The following WNT7A variants were observed in gnomAD, a reference collection of about 807,000 sequenced individuals.
WNT7A encodes protein Wnt-7a.
In WNT7A, 16 loss-of-function variants were observed where a neutral mutation model predicts 28.2. That is an observed-to-expected ratio of 0.57 (90% CI 0.38 to 0.86). The LOEUF is 0.86. WNT7A is among the 40% of genes least tolerant of loss of function. The pLI is 0.00. For synonymous variants in WNT7A, 190 were observed against 195.9 expected (o/e 0.97, Z 0.25); for missense variants, 411 against 489.7 (o/e 0.84, Z 1.52).
In WNT7A at chr3:13,837,210, G is replaced by A. The variant is rs73019603; in HGVS notation, c.570+17322C>T. Among the ~76,000 whole-genome samples the A allele has an allele frequency of 8.8e-3, 1,344 of 152,198 alleles. 14 individuals carry two copies. The highest frequency in any genetic ancestry group is 0.015 in the Non-Finnish European group (1,001 of 67,996). On this transcript the variant is annotated intron_variant, in intron 3 of 3. Transcript: ENST00000285018. Reference sequence around the variant, plus strand: ...ACACTTAAAATGTCAGGTATTCCAGGACGACACCAAGCCCATTCCTGCCCC... The same window carrying A: ...ACACTTAAAATGTCAGGTATTCCAGAACGACACCAAGCCCATTCCTGCCCC...
chr3:13,831,014 G>C (rs1219346226), intron 3 of WNT7A, among the ~76,000 whole-genome samples: 1 of 152,182 alleles, frequency 6.6e-6, no homozygotes, highest in African/African-American at 2.4e-5. Context: ...AGTTCCAGGG[G>C]AAGGAGGCGC....
At chr3:13,830,093 T>A (rs1025952535) in intron 3 of WNT7A, among the ~76,000 whole-genome samples, 2 of 152,058 alleles carry the variant, frequency 1.3e-5, no homozygotes, top group Non-Finnish European at 2.9e-5. Context: ...CCCCGCAGCG[T>A]CTTCTCCCAT....
At chr3:13,823,100 C>T (rs1362519185) in intron 3 of WNT7A, among the ~76,000 whole-genome samples, 2 of 152,226 alleles carry the variant, frequency 1.3e-5, no homozygotes, top group Non-Finnish European at 2.9e-5. Context: ...TCACAGCTGC[C>T]TGGCCAGGGC....
At chr3:13,870,012 C>T (rs1695006720) in intron 2 of WNT7A, among the ~76,000 whole-genome samples, 1 of 152,118 alleles carries the variant, frequency 6.6e-6, no homozygotes, top group Non-Finnish European at 1.5e-5. Context: ...TGATAAATTT[C>T]TCCCCACCCT....
chr3:13,845,516 G>A lies in WNT7A; in HGVS notation c.570+9016C>T, dbSNP rs1490969856. ...AAGCAGTTTAAATTCTTTTAATCAT[G>A]TAATCTTCATAATACTCTATAGCGC... On this transcript the variant is annotated intron_variant, in intron 3 of 3. Transcript: ENST00000285018. 2.0e-5 allele frequency among the ~76,000 whole-genome samples: 3 copies of A among 152,336 alleles called. No individual in the cohort carries two copies. The East Asian group carries it at 5.8e-4, about 29-fold the overall frequency.
Position 13,816,951 on chromosome 3 carries a change from GA to G in WNT7A, c.*1992del. On this transcript the variant is annotated 3_prime_UTR_variant, in exon 4 of 4. Coordinates refer to ENST00000285018, the MANE Select transcript of WNT7A (RefSeq NM_004625.4). Reference sequence around the variant, plus strand: ...CAGACACCCAAGTAAAAGAAAAATGGAAAAAAATGTCCAAGGGAAGAAACCA... The same window carrying G: ...CAGACACCCAAGTAAAAGAAAAATGGAAAAAATGTCCAAGGGAAGAAACCA... 1 of 152,102 alleles carries G rather than the reference GA, an allele frequency of 6.6e-6. No individual in the cohort carries two copies. Among genetic ancestry groups the G allele is most frequent in the Non-Finnish European group, 1.5e-5 (1 of 68,000 alleles). 9.4% of individuals were successfully genotyped at this position (152,102 alleles called of 1,614,324 possible). A position where few individuals can be genotyped will look rare whatever the true frequency, so the allele number is the denominator to read the frequency against.
At chr3:13,841,077 A>G (rs1694449345) in intron 3 of WNT7A, among the ~76,000 whole-genome samples, 1 of 152,258 alleles carries the variant, frequency 6.6e-6, no homozygotes, top group Non-Finnish European at 1.5e-5. Context: ...GCTGGCATAT[A>G]GGGATTCGGC....
chr3:13,819,213 G>C lies in WNT7A; in HGVS notation c.781C>G (p.Arg261Gly). The C allele has an allele frequency of 6.2e-7, 1 of 1,614,230 alleles. No homozygotes were observed. Among genetic ancestry groups the C allele is most frequent in the Non-Finnish European group, 8.5e-7 (1 of 1,180,038 alleles). Residue 261 changes from arginine (R) to glycine (G), a missense_variant, in exon 4 of 4, where the codon CGC (arginine) becomes GGC (glycine). Physicochemically the swap from Arg to Gly is moderately radical, Grantham distance 125. Coordinates refer to ENST00000285018, the MANE Select transcript of WNT7A (RefSeq NM_004625.4). ...FLKIKKPLSY[R>G]KPMDTDLVYI... The stretch of plus-strand genomic sequence containing the variant: ...ACCAGGTCCGTGTCCATGGGCTTGC[G>C]GTACGACAGTGGCTTCTTGATCTTC...
At chr3:13,829,279 AC>A (rs1337944692) in intron 3 of WNT7A, among the ~76,000 whole-genome samples, 1 of 152,238 alleles carries the variant, frequency 6.6e-6, no homozygotes, top group Non-Finnish European at 1.5e-5. Flanking sequence ...CAGGAAAAAA[AC>A]AAACTCCTAT....
intron 2 of WNT7A, among the ~76,000 whole-genome samples, chr3:13,855,840 AC>A (rs1348933085): frequency 6.6e-6 from 1 of 152,016 alleles, no homozygotes; most frequent in Non-Finnish European, 1.5e-5. Context: ...AGGCCCTGGA[AC>A]CCAGAGCAGG....
chr3:13,840,020 A>G (rs1694431167), intron 3 of WNT7A, among the ~76,000 whole-genome samples: 1 of 152,118 alleles, frequency 6.6e-6, no homozygotes. Flanking sequence ...CCCTTCTCTC[A>G]CAGGGAAGCA....
At chr3:13,877,618 G>A (rs1311787227) in intron 1 of WNT7A, among the ~76,000 whole-genome samples, 1 of 152,168 alleles carries the variant, frequency 6.6e-6, no homozygotes, top group Non-Finnish European at 1.5e-5. Flanking sequence ...CTTATTAGTT[G>A]TGCGATCTTA....
chr3:13,849,585 T>C (rs1694595848), intron 3 of WNT7A, among the ~76,000 whole-genome samples: 1 of 152,092 alleles, frequency 6.6e-6, no homozygotes, highest in Non-Finnish European at 1.5e-5. Context: ...TACCCTGTGG[T>C]GCTGACCCTG....
Position 13,816,943 on chromosome 3 carries a change from G to C in WNT7A, c.*2001C>G, listed in dbSNP as rs1466245184. ...CACTCCTCCAGACACCCAAGTAAAA[G>C]AAAAATGGAAAAAAATGTCCAAGGG... On this transcript the variant is annotated 3_prime_UTR_variant, in exon 4 of 4. Transcript: ENST00000285018. 1 of 151,424 alleles carries C rather than the reference G, an allele frequency of 6.6e-6. No homozygotes were observed. Among genetic ancestry groups the C allele is most frequent in the Non-Finnish European group, 1.5e-5 (1 of 67,990 alleles). 9.4% of individuals were successfully genotyped at this position (151,424 alleles called of 1,614,324 possible).
At chr3:13,829,677 G>T (rs1296398045) in intron 3 of WNT7A, among the ~76,000 whole-genome samples, 1 of 152,174 alleles carries the variant, frequency 6.6e-6, no homozygotes, top group African/African-American at 2.4e-5. Context: ...GCAACACAGG[G>T]GGATCTCGGA....
intron 3 of WNT7A, among the ~76,000 whole-genome samples, chr3:13,847,149 G>A (rs1012167133): frequency 6.6e-6 from 1 of 152,192 alleles, no homozygotes; most frequent in Admixed American, 6.5e-5. Context: ...CTCAGGCCTC[G>A]TGGGCACCCT....
chr3:13,836,306 C>T (rs867187047), intron 3 of WNT7A, among the ~76,000 whole-genome samples: 1 of 152,076 alleles, frequency 6.6e-6, no homozygotes, highest in Admixed American at 6.5e-5. Flanking sequence ...TGTCGGCCCT[C>T]GTGTGGGCAT....
chr3:13,875,300 C>T, intron 1 of WNT7A, 127 bp from the exon 2 acceptor site: 5 of 849,594 alleles, frequency 5.9e-6, no homozygotes, highest in Non-Finnish European at 9.6e-6. Context: ...CTTTTTTGAT[C>T]CTGCACCCCT....
At chr3:13,856,707 A>G (rs1694735109) in intron 2 of WNT7A, among the ~76,000 whole-genome samples, 1 of 152,030 alleles carries the variant, frequency 6.6e-6, no homozygotes, top group African/African-American at 2.4e-5. Context: ...AATCCCAGCT[A>G]CTTGGGAAAC....
Sources: allele counts gnomAD v4.1 joint callset (sites outside exome capture counted in the v4.1 genomes callset), GRCh38; gene constraint gnomAD v4.1.1; transcripts MANE v1.5; gene names NCBI Gene and HGNC (gene_info 2026-07-23, HGNC 2026-07-21).